Variants in FOXP2 observed in about 807,000 individuals in gnomAD.
FOXP2 encodes the protein forkhead box protein P2.
Under a neutral mutation model 115.8 loss-of-function variants are expected in FOXP2, and 12 were observed. That is an observed-to-expected ratio of 0.10 (90% CI 0.07 to 0.17). FOXP2 has a LOEUF of 0.17. FOXP2 is among the 10% of genes least tolerant of loss of function. FOXP2 has a pLI of 1.00. For missense variants in FOXP2, 629 were observed against 843.5 expected (o/e 0.75, Z 3.15); for synonymous variants, 328 against 297.7 (o/e 1.10, Z -1.05).
chr7:114,241,373 C>G (rs1327932869), intron 1 of FOXP2, among the ~76,000 whole-genome samples: 1 of 151,950 alleles, frequency 6.6e-6, no homozygotes, highest in Admixed American at 6.6e-5. Flanking sequence ...TTTCTGCCTT[C>G]AAGGAGCCAA....
chr7:114,684,456 A>G (rs1007879569), intron 16 of FOXP2, among the ~76,000 whole-genome samples: 2 of 152,202 alleles, frequency 1.3e-5, no homozygotes, highest in African/African-American at 2.4e-5. Context: ...ATGCTTATTG[A>G]CTTGAAGGCA....
At chr7:114,263,538 T>C (rs1795815182) in intron 1 of FOXP2, among the ~76,000 whole-genome samples, 1 of 151,544 alleles carries the variant, frequency 6.6e-6, no homozygotes, top group South Asian at 2.1e-4. Flanking sequence ...ACTGTAACCT[T>C]GAACTCCTGG....
chr7:114,534,554 A>G, intron 2 of FOXP2, 63 bp from the exon 3 acceptor site: 3 of 1,320,538 alleles, frequency 2.3e-6, no homozygotes, highest in South Asian at 2.3e-5. Flanking sequence ...CTATTAACCA[A>G]GAGATAATTG....
At position 114,382,605 on chromosome 7, in the gene FOXP2, T is replaced by A. The variant is rs111588006; in HGVS notation, c.-10-43897T>A. ...GACTAAAGCAGTGGCCTTTTTTTTTTATCCCGTTTGTCCCATTTTGCCTGC... is the reference window on the plus strand; with the variant it reads ...GACTAAAGCAGTGGCCTTTTTTTTTAATCCCGTTTGTCCCATTTTGCCTGC... On this transcript the variant is annotated intron_variant, in intron 2 of 17. Transcript: ENST00000634411. 3.9e-5 allele frequency among the ~76,000 whole-genome samples: 6 copies of A among 152,064 alleles called. 1 individual carries two copies. In the South Asian group the frequency reaches 8.3e-4, roughly 21 times the overall value.
At chr7:114,689,496 A>G (rs1036920867) in intron 16 of FOXP2, among the ~76,000 whole-genome samples, 1 of 152,192 alleles carries the variant, frequency 6.6e-6, no homozygotes, top group Non-Finnish European at 1.5e-5. Context: ...TATAACAAAT[A>G]CTAACAAAAC....
chr7:114,263,098 G>A, intron 1 of FOXP2, among the ~76,000 whole-genome samples: 1 of 152,192 alleles, frequency 6.6e-6, no homozygotes, highest in African/African-American at 2.4e-5. Context: ...TTTTCTCCCA[G>A]CTTCCCTGAA....
chr7:114,140,467 T>A (rs975065998), intron 1 of FOXP2, among the ~76,000 whole-genome samples: 1 of 152,086 alleles, frequency 6.6e-6, no homozygotes. Context: ...TGGCCCCTAG[T>A]GAGGGTGTTG....
intron 3 of FOXP2, among the ~76,000 whole-genome samples, chr7:114,582,803 T>G (rs928942773): frequency 1.3e-5 from 2 of 152,176 alleles, no homozygotes; most frequent in African/African-American, 4.8e-5. Context: ...AGAAATATTA[T>G]GATAGTTTCT....
chr7:114,462,713 A>C (rs1296366736), intron 2 of FOXP2, among the ~76,000 whole-genome samples: 2 of 152,064 alleles, frequency 1.3e-5, no homozygotes, highest in African/African-American at 4.8e-5. Flanking sequence ...TTGAGCTGAT[A>C]TTTTCCTTTT....
At chr7:114,176,021 T>C (rs200415671) in intron 1 of FOXP2, among the ~76,000 whole-genome samples, 1 of 152,204 alleles carries the variant, frequency 6.6e-6, no homozygotes, top group Non-Finnish European at 1.5e-5. Flanking sequence ...TTTTACTATA[T>C]TGAATTAGTG....
At chr7:114,377,303 TA>T (rs898142164) in intron 2 of FOXP2, among the ~76,000 whole-genome samples, 1 of 152,188 alleles carries the variant, frequency 6.6e-6, no homozygotes, top group Admixed American at 6.5e-5. Flanking sequence ...AGAAGTCAGT[TA>T]AAAATATTTT....
At chr7:114,370,563 A>G (rs1268528456) in intron 2 of FOXP2, among the ~76,000 whole-genome samples, 2 of 152,206 alleles carry the variant, frequency 1.3e-5, no homozygotes, top group Non-Finnish European at 1.5e-5. Context: ...CCAATTTACC[A>G]GAACATGTAA....
At chr7:114,311,146 G>A (rs1797139212) in intron 2 of FOXP2, among the ~76,000 whole-genome samples, 1 of 152,044 alleles carries the variant, frequency 6.6e-6, no homozygotes, top group Admixed American at 6.6e-5. Context: ...TAGAGAGATG[G>A]TTAACAACCA....
intron 1 of FOXP2, among the ~76,000 whole-genome samples, chr7:114,249,458 T>C (rs1425073673): frequency 1.3e-5 from 2 of 151,858 alleles, no homozygotes. Flanking sequence ...AGTGAGAACA[T>C]GTGGTGTTTG....
At chr7:114,154,292 C>G (rs1379110079) in intron 1 of FOXP2, among the ~76,000 whole-genome samples, 1 of 151,834 alleles carries the variant, frequency 6.6e-6, no homozygotes, top group African/African-American at 2.4e-5. Context: ...TTAGAAAATA[C>G]TGTTGTCCAA....
intron 2 of FOXP2, among the ~76,000 whole-genome samples, chr7:114,371,386 A>T (rs1198973169): frequency 2.0e-5 from 3 of 151,984 alleles, no homozygotes; most frequent in Non-Finnish European, 4.4e-5. Context: ...GCACCTGGCC[A>T]ACAACTTAAT....
At chr7:114,447,266 C>G (rs908722706) in intron 2 of FOXP2, among the ~76,000 whole-genome samples, 2 of 152,122 alleles carry the variant, frequency 1.3e-5, no homozygotes, top group African/African-American at 4.8e-5. Flanking sequence ...TCAATAGCCT[C>G]TCCTGTCTGG....
At chr7:114,635,878 G>A (rs115004254) in intron 6 of FOXP2, among the ~76,000 whole-genome samples, 2,482 of 152,190 alleles carry the variant, frequency 0.016, 57 homozygotes, top group African/African-American at 0.056. Context: ...TCAAGCTTTT[G>A]AAATGCAACC....
chr7:114,097,102 A>G (rs1027227222), intron 1 of FOXP2, among the ~76,000 whole-genome samples: 1 of 152,192 alleles, frequency 6.6e-6, no homozygotes, highest in African/African-American at 2.4e-5. Flanking sequence ...ACTCATCTTT[A>G]TAATTGTTTT....
Sources: allele counts gnomAD v4.1 joint callset (sites outside exome capture counted in the v4.1 genomes callset), GRCh38; gene constraint gnomAD v4.1.1; transcripts MANE v1.5; gene names NCBI Gene and HGNC (gene_info 2026-07-23, HGNC 2026-07-21).